The following LRRC8C variants were observed in gnomAD, a reference collection of about 807,000 sequenced individuals.
LRRC8C encodes leucine rich repeat containing 8 VRAC subunit C, also known as volume-regulated anion channel subunit LRRC8C.
LRRC8C carries 20 observed loss-of-function variants against 55.3 expected under a neutral mutation model. That is an observed-to-expected ratio of 0.36 (90% CI 0.25 to 0.53). The LOEUF (loss-of-function observed/expected upper bound fraction) is 0.53, where lower values mean the gene tolerates loss of function less well. LRRC8C is among the 20% of genes least tolerant of loss of function. The pLI, the probability that LRRC8C is intolerant of heterozygous loss-of-function variation, is 0.92. For missense variants in LRRC8C, 659 were observed against 951.4 expected, an observed-to-expected ratio of 0.69 and a Z score of 4.04; for synonymous variants, 376 against 360.7, an observed-to-expected ratio of 1.04 and a Z score of -0.48.
chr1:89,665,692 A>G (rs1389336017), intron 1 of LRRC8C, among the ~76,000 whole-genome samples: 2 of 152,172 alleles, frequency 1.3e-5, no homozygotes, highest in South Asian at 2.1e-4. Flanking sequence ...ATTGTTGAAG[A>G]AAGAAAAATT....
chr1:89,632,655 A>G (rs1481224618), upstream of LRRC8C: 1 of 152,062 alleles, frequency 6.6e-6, no homozygotes, highest in African/African-American at 2.4e-5. Flanking sequence ...CCTCTAACTT[A>G]CCCAGGGGAG....
At chr1:89,671,022 A>T (rs1324143590) in intron 1 of LRRC8C, among the ~76,000 whole-genome samples, 1 of 152,168 alleles carries the variant, frequency 6.6e-6, no homozygotes, top group South Asian at 2.1e-4. Flanking sequence ...CCTTGTTTAT[A>T]GATCTGTTAC....
rs1343645242 is a variant in LRRC8C, at chr1:89,717,018, C to A, written c.*2036C>A. The A allele has an allele frequency of 1.3e-5, 2 of 152,064 alleles. No homozygotes were observed. Among genetic ancestry groups the A allele is most frequent in the African/African-American group, 4.8e-5 (2 of 41,400 alleles). The allele number at this position is 152,064 out of a possible 1,614,324, so 9.4% of individuals were successfully genotyped here. A position where few individuals can be genotyped will look rare whatever the true frequency, so the allele number is the denominator to read the frequency against. ...GGTGATTTTGCTGATTAATTTAGAC[C>A]TGGAATTGAAATAATGTGCTCAGAA... is the stretch of plus-strand genomic sequence containing the variant. On this transcript the variant is annotated 3_prime_UTR_variant, in exon 3 of 3. Coordinates refer to ENST00000370454, the MANE Select transcript of LRRC8C (RefSeq NM_032270.5).
intron 1 of LRRC8C, among the ~76,000 whole-genome samples, chr1:89,677,129 A>G (rs12091068): frequency 0.58 from 87,943 of 152,060 alleles, 26,438 homozygotes; most frequent in South Asian, 0.74. Flanking sequence ...TCAGAAACGA[A>G]TAATATCGTC....
chr1:89,678,563 G>A (rs1025639337), intron 1 of LRRC8C, among the ~76,000 whole-genome samples: 10 of 152,276 alleles, frequency 6.6e-5, no homozygotes, highest in Middle Eastern at 3.4e-3. Flanking sequence ...AGCTGGGCAT[G>A]GTGGTGCATA....
At chr1:89,629,724 G>T (rs762983604), upstream of LRRC8C, 1 of 152,202 alleles carries the variant, frequency 6.6e-6, no homozygotes, top group African/African-American at 2.4e-5. Context: ...CTGCCCTGGA[G>T]AGGCTCCCAG....
the LRRC8C span, among the ~76,000 whole-genome samples, chr1:89,624,320 A>G: frequency 6.6e-6 from 1 of 152,254 alleles, no homozygotes; most frequent in African/African-American, 2.4e-5. Context: ...TTTGGAAGAA[A>G]GAGTACAAAA....
chr1:89,710,812 G>A (rs762815222), intron 2 of LRRC8C, among the ~76,000 whole-genome samples: 1 of 152,142 alleles, frequency 6.6e-6, no homozygotes, highest in Non-Finnish European at 1.5e-5. Flanking sequence ...AATTTGTTAA[G>A]ATAAAGTCAA....
At chr1:89,662,064 G>A (rs969051963) in intron 1 of LRRC8C, among the ~76,000 whole-genome samples, 1 of 152,214 alleles carries the variant, frequency 6.6e-6, no homozygotes, top group Non-Finnish European at 1.5e-5. Flanking sequence ...AGGGGCATCC[G>A]ATCTTTTGGC....
At position 89,712,760 on chromosome 1, in the gene LRRC8C, A is replaced by T; in HGVS notation, c.190A>T (p.Asn64Tyr). The change falls in exon 3 of 3, where the codon AAC (asparagine) becomes TAC (tyrosine). Residue 64 changes from asparagine to tyrosine, a missense_variant. Physicochemically the swap from Asn to Tyr is moderately radical, Grantham distance 143. Coordinates refer to ENST00000370454, the MANE Select transcript of LRRC8C (RefSeq NM_032270.5). ...CLPKRVQPAQ[N>Y]HSSLSNVSQA... is the part of the protein sequence containing the mutation. ...TCCGAAAAGAGTGCAGCCTGCTCAG[A>T]ACCACTCTTCCCTTTCGAATGTCTC... 1 of 1,614,120 alleles carries T rather than the reference A, an allele frequency of 6.2e-7. No homozygotes were observed. Among genetic ancestry groups the T allele is most frequent in the Non-Finnish European group, 8.5e-7 (1 of 1,179,986 alleles).
chr1:89,678,861 G>A (rs948776044), intron 1 of LRRC8C, among the ~76,000 whole-genome samples: 14 of 152,204 alleles, frequency 9.2e-5, no homozygotes, highest in South Asian at 2.1e-4. Flanking sequence ...GCTGTAAGTG[G>A]AGAAGGGTTT....
chr1:89,653,466 G>C (rs1460523607), intron 1 of LRRC8C, among the ~76,000 whole-genome samples: 1 of 152,176 alleles, frequency 6.6e-6, no homozygotes, highest in African/African-American at 2.4e-5. Flanking sequence ...GAATTTAAAA[G>C]GCCAATAATG....
At chr1:89,691,894 A>G (rs1658036627) in intron 2 of LRRC8C, among the ~76,000 whole-genome samples, 1 of 152,226 alleles carries the variant, frequency 6.6e-6, no homozygotes, top group Non-Finnish European at 1.5e-5. Flanking sequence ...AATTTTATGA[A>G]TTATAAATTA....
intron 1 of LRRC8C, among the ~76,000 whole-genome samples, chr1:89,683,181 G>A (rs116326542): frequency 0.01 from 1,581 of 152,276 alleles, 42 homozygotes; most frequent in African/African-American, 0.037. Flanking sequence ...TTACTAAAAT[G>A]TGTCTTAATA....
chr1:89,633,195 C>T lies in LRRC8C; in HGVS notation c.-132C>T, dbSNP rs913799463. Reference sequence around the variant, plus strand: ...CCGCCGTGGCCGCGGCCGCAGTGCTCGGGCGCGACAAGCCATGAGCAGCGA... The same window carrying T: ...CCGCCGTGGCCGCGGCCGCAGTGCTTGGGCGCGACAAGCCATGAGCAGCGA... On this transcript the variant is annotated 5_prime_UTR_variant, in exon 1 of 3. Coordinates refer to ENST00000370454, the MANE Select transcript of LRRC8C (RefSeq NM_032270.5). 6.6e-6 allele frequency: 1 copy of T among 152,232 alleles called. No homozygotes were observed. The highest frequency in any genetic ancestry group is 1.5e-5 in the Non-Finnish European group (1 of 68,158). 9.4% of individuals were successfully genotyped at this position (152,232 alleles called of 1,614,324 possible). A position where few individuals can be genotyped will look rare whatever the true frequency, so the allele number is the denominator to read the frequency against.
rs767069826 is a variant in LRRC8C at position 89,714,567 on chromosome 1, C to A, written c.1997C>A (p.Ser666Tyr). The A allele has an allele frequency of 9.9e-6, 16 of 1,614,046 alleles. No homozygotes were observed. Among genetic ancestry groups the A allele is most frequent in the Non-Finnish European group, 1.4e-5 (16 of 1,180,030 alleles). The change falls in exon 3 of 3, where the codon TCC (serine) becomes TAC (tyrosine). Residue 666 changes from serine (S) to tyrosine (Y), a missense_variant. Coordinates refer to ENST00000370454, the MANE Select transcript of LRRC8C (RefSeq NM_032270.5). The surrounding 1 kb of genome is among the most constrained non-coding windows in gnomAD (Gnocchi z 4.6). The stretch of plus-strand genomic sequence containing the variant: ...AAACTCACCAGCCTGGAACGCCTGT[C>A]CTTTAGTCACAATAAAATAGAGGTG... ...IKKLTSLERL[S>Y]FSHNKIEVLP...
intron 1 of LRRC8C, among the ~76,000 whole-genome samples, chr1:89,678,291 A>T (rs942388349): frequency 6.6e-6 from 1 of 152,276 alleles, no homozygotes; most frequent in Non-Finnish European, 1.5e-5. Context: ...TATCTAATAC[A>T]TGCCAGGCAT....
At chr1:89,625,414 T>C in the LRRC8C span, among the ~76,000 whole-genome samples, 3 of 152,196 alleles carry the variant, frequency 2.0e-5, no homozygotes, top group Non-Finnish European at 4.4e-5. Flanking sequence ...GCTTATGTTC[T>C]TTTCACTAAC....
At chr1:89,632,261 A>T (rs1656127255), upstream of LRRC8C, 1 of 152,216 alleles carries the variant, frequency 6.6e-6, no homozygotes, top group East Asian at 1.9e-4. Flanking sequence ...CAGATCAATC[A>T]ATGAGAGAGA....
Sources: allele counts gnomAD v4.1 joint callset (sites outside exome capture counted in the v4.1 genomes callset), GRCh38; gene constraint gnomAD v4.1.1; non-coding constraint Gnocchi (gnomAD v3.1); transcripts MANE v1.5; gene names NCBI Gene and HGNC (gene_info 2026-07-23, HGNC 2026-07-21).